ZFPM1: variants seen among roughly 807,000 people sequenced by gnomAD.
ZFPM1 encodes zinc finger protein, FOG family member 1, also known as zinc finger protein ZFPM1.
Under a neutral mutation model 46.3 loss-of-function variants are expected in ZFPM1, and 28 were observed. The observed-to-expected ratio is 0.60, with a 90% CI of 0.45 to 0.83. The LOEUF is 0.83. Among genes scored for constraint, ZFPM1 ranks in the 40% least tolerant of loss-of-function variants. The pLI, the probability that ZFPM1 is intolerant of heterozygous loss-of-function variation, is 0.00. For missense variants in ZFPM1, 1,878 were observed against 1,432.4 expected (o/e 1.31, Z -5.02); for synonymous variants, 957 against 675.9 (o/e 1.42, Z -6.45).
At chr16:88,476,936 A>G (rs1027593059) in intron 1 of ZFPM1, among the ~76,000 whole-genome samples, 28 of 152,230 alleles carry the variant, frequency 1.8e-4, no homozygotes, top group Non-Finnish European at 3.4e-4. Flanking sequence ...CTGGCCCCCC[A>G]AGGGCAGTGC....
chr16:88,508,161 G>A (rs560558240), intron 3 of ZFPM1, among the ~76,000 whole-genome samples: 1 of 152,294 alleles, frequency 6.6e-6, no homozygotes, highest in Admixed American at 6.5e-5. Flanking sequence ...ACCGGGTGCG[G>A]TGGCGCGCAC....
chr16:88,534,031 C>T lies in ZFPM1; in HGVS notation c.2073C>T (p.Arg691=). 1 of 1,350,914 alleles carries T rather than the reference C, an allele frequency of 7.4e-7. No homozygotes were observed. Among genetic ancestry groups the T allele is most frequent in the Non-Finnish European group, 9.7e-7 (1 of 1,036,026 alleles). 83.7% of individuals were successfully genotyped at this position (1,350,914 alleles called of 1,614,324 possible). A position where few individuals can be genotyped will look rare whatever the true frequency, so the allele number is the denominator to read the frequency against. Residue 691 remains arginine (R), a synonymous_variant, in exon 10 of 10, where the codon CGC becomes CGT. Transcript: ENST00000319555. ...SRTLCEACNI[R]FSRHETYTVH... is the part of the protein sequence containing the mutation. ...CGCTGTGCGAGGCCTGCAACATCCG[C>T]TTCAGCCGCCACGAGACCTACACCG...
chr16:88,507,538 C>T (rs905808256), intron 3 of ZFPM1, among the ~76,000 whole-genome samples: 1 of 152,206 alleles, frequency 6.6e-6, no homozygotes, highest in African/African-American at 2.4e-5. Flanking sequence ...TTCTCCATGC[C>T]CTGGCAGGTT....
intron 1 of ZFPM1, among the ~76,000 whole-genome samples, chr16:88,460,902 G>GC (rs561934733): frequency 1.1e-3 from 155 of 141,664 alleles, no homozygotes; most frequent in African/African-American, 4.0e-3. Flanking sequence ...GGGATGGGAG[G>GC]CCTGGTGAGG....
intron 6 of ZFPM1, 84 bp from the exon 7 acceptor site, chr16:88,531,918 G>T (rs1401836435): frequency 6.6e-6 from 9 of 1,372,958 alleles, no homozygotes; most frequent in South Asian, 1.4e-5. Context: ...GGTCCGTCAC[G>T]GCCAGGCCCT....
intron 4 of ZFPM1, among the ~76,000 whole-genome samples, chr16:88,522,343 G>T (rs957132302): frequency 1.3e-5 from 2 of 152,164 alleles, no homozygotes; most frequent in Non-Finnish European, 1.5e-5. Context: ...TGGGCTGGAG[G>T]AAAGACGGGC....
At chr16:88,529,643 C>T (rs1182519458) in intron 6 of ZFPM1, among the ~76,000 whole-genome samples, 1 of 152,178 alleles carries the variant, frequency 6.6e-6, no homozygotes, top group South Asian at 2.1e-4. Flanking sequence ...TCCCAAGGTA[C>T]GGAGAGTGAG....
intron 1 of ZFPM1, among the ~76,000 whole-genome samples, chr16:88,475,688 G>A (rs78480348): frequency 6.6e-6 from 1 of 152,200 alleles, no homozygotes; most frequent in Non-Finnish European, 1.5e-5. Flanking sequence ...ACCTGGATCT[G>A]TGCTATCTGT....
intron 2 of ZFPM1, among the ~76,000 whole-genome samples, chr16:88,487,603 T>C (rs1191035701): frequency 1.3e-5 from 2 of 152,004 alleles, no homozygotes; most frequent in Non-Finnish European, 2.9e-5. Context: ...CAGACCTTGG[T>C]CCCTGGCTTG....
chr16:88,499,670 C>G (rs536035006), intron 3 of ZFPM1, among the ~76,000 whole-genome samples: 70 of 152,332 alleles, frequency 4.6e-4, no homozygotes, highest in African/African-American at 1.6e-3. Context: ...AGAGGGAGAT[C>G]TGAGAAAGGG....
intron 3 of ZFPM1, among the ~76,000 whole-genome samples, chr16:88,498,383 G>A (rs958051224): frequency 2.0e-5 from 3 of 152,202 alleles, no homozygotes; most frequent in African/African-American, 7.2e-5. Flanking sequence ...TGCCCTGGAC[G>A]TGTATGGTGG....
At chr16:88,500,386 G>A (rs1471993939) in intron 3 of ZFPM1, among the ~76,000 whole-genome samples, 11 of 152,216 alleles carry the variant, frequency 7.2e-5, no homozygotes, top group Non-Finnish European at 1.0e-4. Context: ...GTGGGCAGGC[G>A]CTGGGCAAGC....
chr16:88,493,003 GGAGCTGTCCCGGGGTATGGA>G (rs1266123040), intron 3 of ZFPM1, among the ~76,000 whole-genome samples: 3 of 148,586 alleles, frequency 2.0e-5, no homozygotes, highest in East Asian at 2.0e-4. Flanking sequence ...CAGGGTGTGG[GGAGCTGTCCCGGGGTATGGA>G]GAGCTGTCCC....
intron 3 of ZFPM1, among the ~76,000 whole-genome samples, chr16:88,496,133 C>T (rs936135295): frequency 1.8e-4 from 28 of 152,176 alleles, no homozygotes; most frequent in Non-Finnish European, 3.4e-4. Context: ...GCAGTGGCAT[C>T]CACTGCCCTT....
In ZFPM1 at chr16:88,469,903, C is replaced by G. The variant is rs1426929742; in HGVS notation, c.41-16036C>G. 1.3e-5 allele frequency among the ~76,000 whole-genome samples: 2 copies of G among 151,976 alleles called. No individual in the cohort carries two copies. Among genetic ancestry groups the G allele is most frequent in the Non-Finnish European group, 2.9e-5 (2 of 67,972 alleles). On this transcript the variant is annotated intron_variant, in intron 1 of 9. Transcript: ENST00000319555. The surrounding 1 kb of genome is among the most constrained non-coding windows in gnomAD (Gnocchi z 4.3). ...CGTGGTGAGGGTCAGAGGTGCGTGC[C>G]CAGCCCAGAGGATCTCCCCACGCAG...
chr16:88,470,276 A>G (rs1021861241), intron 1 of ZFPM1, among the ~76,000 whole-genome samples: 2 of 152,184 alleles, frequency 1.3e-5, no homozygotes, highest in Non-Finnish European at 2.9e-5. Flanking sequence ...GGGCTGCTGG[A>G]CGGGTTGGGG....
chr16:88,531,345 C>T (rs911469476), intron 6 of ZFPM1, among the ~76,000 whole-genome samples: 2 of 152,134 alleles, frequency 1.3e-5, no homozygotes, highest in African/African-American at 4.8e-5. Flanking sequence ...GAGTGCAAGC[C>T]CCCAAAACTC....
At chr16:88,481,336 G>A (rs530032054) in intron 1 of ZFPM1, among the ~76,000 whole-genome samples, 3 of 152,278 alleles carry the variant, frequency 2.0e-5, no homozygotes, top group East Asian at 3.9e-4. Context: ...CGAGGGAGGC[G>A]TGGGGTCCGT....
At chr16:88,452,385 G>A (rs551751962), upstream of ZFPM1, among the ~76,000 whole-genome samples, 1 of 152,324 alleles carries the variant, frequency 6.6e-6, no homozygotes, top group South Asian at 2.1e-4. Flanking sequence ...GGGCGCTGTG[G>A]GCAACTCCTT....
Sources: allele counts gnomAD v4.1 joint callset (sites outside exome capture counted in the v4.1 genomes callset), GRCh38; gene constraint gnomAD v4.1.1; non-coding constraint Gnocchi (gnomAD v3.1); transcripts MANE v1.5; gene names NCBI Gene and HGNC (gene_info 2026-07-23, HGNC 2026-07-21).